HDAC4: variants seen among roughly 807,000 people sequenced by gnomAD.
HDAC4 encodes the protein histone deacetylase 4, also known as histone deacetylase A.
HDAC4 carries 16 observed loss-of-function variants against 135.1 expected under a neutral mutation model. The observed-to-expected ratio is 0.12, with a 90% CI of 0.08 to 0.18. The LOEUF is 0.18. Ranked by LOEUF, HDAC4 falls within the 10% of genes least tolerant of loss-of-function variation. The probability of loss-of-function intolerance (pLI) is 1.00; values close to 1 mark genes in which losing one functional copy is unlikely to be tolerated. For synonymous variants in HDAC4, 685 were observed against 653.4 expected (o/e 1.05, Z -0.74); for missense variants, 1,143 against 1,511.8 (o/e 0.76, Z 4.05).
chr2:239,361,928 T>C (rs1018345478), intron 1 of HDAC4, among the ~76,000 whole-genome samples: 3 of 152,250 alleles, frequency 2.0e-5, no homozygotes, highest in African/African-American at 7.2e-5. Context: ...AGAAAACACA[T>C]GGAAAGCACA....
At chr2:239,357,142 C>T (rs1693541632) in intron 1 of HDAC4, among the ~76,000 whole-genome samples, 1 of 152,154 alleles carries the variant, frequency 6.6e-6, no homozygotes, top group African/African-American at 2.4e-5. Flanking sequence ...GCCATAAAAC[C>T]AGTCTCGAAT....
intron 2 of HDAC4, among the ~76,000 whole-genome samples, chr2:239,335,521 A>C (rs1335890839): frequency 3.3e-5 from 5 of 151,120 alleles, no homozygotes; most frequent in Non-Finnish European, 5.9e-5. Flanking sequence ...AAAAAAAAAA[A>C]AAAAAAAAAC....
chr2:239,054,902 G>T, intron 24 of HDAC4, 69 bp from the exon 25 acceptor site: 1 of 1,036,004 alleles, frequency 9.7e-7, no homozygotes. Context: ...CGGGTGTTCC[G>T]AGACTGCAAC....
intron 1 of HDAC4, among the ~76,000 whole-genome samples, chr2:239,356,141 A>G (rs1277689383): frequency 6.6e-6 from 1 of 152,248 alleles, no homozygotes; most frequent in African/African-American, 2.4e-5. Context: ...TACATTAAGA[A>G]AAACATCACA....
In HDAC4 at chr2:239,237,867, C is replaced by G. The variant is rs185274374; in HGVS notation, c.23-1203G>C. Among the ~76,000 whole-genome samples the G allele has an allele frequency of 4.8e-3, 735 of 152,296 alleles. 2 individuals carry two copies. Among genetic ancestry groups the G allele is most frequent in the Non-Finnish European group, 8.4e-3 (572 of 68,012 alleles). ...AACCACGGGGACCTCTCCAACCAAC[C>G]AGCAGCTCCTCCCAAGTCTCGGCAA... On this transcript the variant is annotated intron_variant, in intron 2 of 26. Coordinates refer to ENST00000543185, the MANE Select transcript of HDAC4 (RefSeq NM_001378414.1).
intron 2 of HDAC4, among the ~76,000 whole-genome samples, chr2:239,315,179 C>T (rs906970697): frequency 1.3e-5 from 2 of 152,138 alleles, no homozygotes; most frequent in African/African-American, 2.4e-5. Flanking sequence ...CGAGTTGTCC[C>T]GCGTTTCTGG....
At position 239,158,689 on chromosome 2, in the gene HDAC4, G is replaced by C. The variant is rs78578276; in HGVS notation, c.612-1916C>G. ...CACCTCCTGCATAGCCCAGCTCACCGCCAGGAGCACACCATGCAGAGCCCG... is the reference window on the plus strand; with the variant it reads ...CACCTCCTGCATAGCCCAGCTCACCCCCAGGAGCACACCATGCAGAGCCCG... On this transcript the variant is annotated intron_variant, in intron 6 of 26. Transcript: ENST00000543185. Among the ~76,000 whole-genome samples, 15 of 152,030 alleles carry C rather than the reference G, an allele frequency of 9.9e-5. No homozygotes were observed. In the East Asian group the frequency reaches 2.9e-3, roughly 29 times the overall value.
chr2:239,199,982 T>C (rs2045655546), intron 3 of HDAC4, among the ~76,000 whole-genome samples: 1 of 152,094 alleles, frequency 6.6e-6, no homozygotes. Flanking sequence ...TCATGATCCA[T>C]CTGCCTCGGC....
chr2:239,095,031 C>T lies in HDAC4; in HGVS notation c.2259G>A (p.Arg753=). Residue 753 remains arginine, a synonymous_variant, in exon 17 of 27, where the codon CGG becomes CGA. Coordinates refer to ENST00000543185, the MANE Select transcript of HDAC4 (RefSeq NM_001378414.1). ...TTACCCCAACACCACCGCAAGGGAG[C>T]CGGACGAACACGGAGGCGAGCGAGC... The part of the protein sequence containing the change: ...LLGSLASVFV[R]LPCGGVGVDS... 1 of 1,613,902 alleles carries T rather than the reference C, an allele frequency of 6.2e-7. No homozygotes were observed.
chr2:239,274,012 C>T (rs2050207015), intron 2 of HDAC4, among the ~76,000 whole-genome samples: 1 of 152,218 alleles, frequency 6.6e-6, no homozygotes, highest in Admixed American at 6.5e-5. Flanking sequence ...AAGACACCTG[C>T]ATGACGGTAG....
rs1165414651 is a variant in HDAC4, at chr2:239,134,187, C to T, written c.1294+58G>A. Reference sequence around the variant, plus strand: ...TCCAAAGGCAGGCGAAGGCGGGGCACCATCCAGAGCGTGGGCAGCCTCAGA... The same window carrying T: ...TCCAAAGGCAGGCGAAGGCGGGGCATCATCCAGAGCGTGGGCAGCCTCAGA... On this transcript the variant is annotated intron_variant, in intron 11 of 26. Coordinates refer to ENST00000543185, the MANE Select transcript of HDAC4 (RefSeq NM_001378414.1). The T allele has an allele frequency of 3.5e-6, 5 of 1,422,846 alleles. No homozygotes were observed. The African/African-American group carries it at 4.2e-5, about 12-fold the overall frequency. The allele number at this position is 1,422,846 out of a possible 1,614,324, so 88.1% of individuals were successfully genotyped here.
chr2:239,311,381 C>A (rs537586861), intron 2 of HDAC4, among the ~76,000 whole-genome samples: 4 of 152,176 alleles, frequency 2.6e-5, no homozygotes, highest in Non-Finnish European at 5.9e-5. Flanking sequence ...ATTTGTCAAG[C>A]GCCGAGCAAA....
In HDAC4 at chr2:239,349,146, A is replaced by T. The variant is rs1472641517; in HGVS notation, c.22+3532T>A. 6.6e-6 allele frequency among the ~76,000 whole-genome samples: 1 copy of T among 152,186 alleles called. No individual in the cohort carries two copies. Among genetic ancestry groups the T allele is most frequent in the Non-Finnish European group, 1.5e-5 (1 of 68,020 alleles). On this transcript the variant is annotated intron_variant, in intron 2 of 26. Transcript: ENST00000543185. This position sits in a 1 kb window ranked among gnomAD's most constrained non-coding sequence, Gnocchi z 5.7. ...CACACAGGAGCAGGGCCCCCATGCCAGATGGGCAGGCAAGGGTGAGCCAGG... is the reference window on the plus strand; with the variant it reads ...CACACAGGAGCAGGGCCCCCATGCCTGATGGGCAGGCAAGGGTGAGCCAGG...
Position 239,082,502 on chromosome 2 carries a change from C to G in HDAC4, c.2533-281G>C, listed in dbSNP as rs3752756. Among the ~76,000 whole-genome samples the G allele has an allele frequency of 0.056, 8,572 of 152,340 alleles. 310 individuals carry two copies. The highest frequency in any genetic ancestry group is 0.08 in the Non-Finnish European group (5,425 of 68,024). ...ATGGCACAATCCTGACTCCAGCAGC[C>G]GATGGGGCTGGAGTTCAGCCAGGCC... On this transcript the variant is annotated intron_variant, in intron 20 of 26. Transcript: ENST00000543185.
intron 1 of HDAC4, among the ~76,000 whole-genome samples, chr2:239,373,352 T>C (rs981143856): frequency 6.6e-5 from 10 of 152,180 alleles, no homozygotes; most frequent in African/African-American, 2.2e-4. Flanking sequence ...AGTTTGGGCA[T>C]GTCTGCAACG....
At chr2:239,175,657 T>C (rs894639198) in intron 5 of HDAC4, among the ~76,000 whole-genome samples, 2 of 152,170 alleles carry the variant, frequency 1.3e-5, no homozygotes, top group Non-Finnish European at 2.9e-5. Flanking sequence ...CACTGGGCCG[T>C]GGGTCACTCT....
chr2:239,319,097 CG>C (rs978099973), intron 2 of HDAC4, among the ~76,000 whole-genome samples: 5 of 152,156 alleles, frequency 3.3e-5, no homozygotes, highest in African/African-American at 1.2e-4. Context: ...GAACAAAAAA[CG>C]GAACTTCTGC....
chr2:239,376,486 C>T (rs909506077), intron 1 of HDAC4, among the ~76,000 whole-genome samples: 1 of 150,548 alleles, frequency 6.6e-6, no homozygotes, highest in African/African-American at 2.4e-5. Flanking sequence ...GATGTCACCA[C>T]CGCGCCATCA....
chr2:239,202,780 G>A (rs2045834884), intron 3 of HDAC4, among the ~76,000 whole-genome samples: 1 of 152,190 alleles, frequency 6.6e-6, no homozygotes, highest in Admixed American at 6.5e-5. Context: ...AAAACAGCAG[G>A]CCCAGAAAAA....
Sources: allele counts gnomAD v4.1 joint callset (sites outside exome capture counted in the v4.1 genomes callset), GRCh38; gene constraint gnomAD v4.1.1; non-coding constraint Gnocchi (gnomAD v3.1); transcripts MANE v1.5; gene names NCBI Gene and HGNC (gene_info 2026-07-23, HGNC 2026-07-21).